Variants in POLRMT observed in about 807,000 individuals in gnomAD.
POLRMT encodes DNA-directed RNA polymerase, mitochondrial.
A neutral mutation model predicts 132.2 loss-of-function variants in POLRMT; 114 were observed. The ratio of observed to expected loss-of-function variants is 0.86; its 90% confidence interval spans 0.74 to 1.01. The LOEUF (loss-of-function observed/expected upper bound fraction) is 1.01. Among genes scored for constraint, POLRMT ranks in the 50% least tolerant of loss-of-function variants. The pLI is 0.00. For synonymous variants in POLRMT, 1,020 were observed against 773.4 expected, an observed-to-expected ratio of 1.32 and a Z score of -5.29; for missense variants, 2,003 against 1,729.1, an observed-to-expected ratio of 1.16 and a Z score of -2.81.
chr19:621,954 G>A (rs1984646405), intron 9 of POLRMT, 108 bp from the exon 10 acceptor site: 4 of 1,365,768 alleles, frequency 2.9e-6, no homozygotes, highest in Non-Finnish European at 3.0e-6. Context: ...CAAGAAACCA[G>A]TGTGGCCTCC....
intron 9 of POLRMT, 141 bp from the exon 10 acceptor site, chr19:621,987 A>G: frequency 8.3e-7 from 1 of 1,211,486 alleles, no homozygotes; most frequent in Non-Finnish European, 1.1e-6. Context: ...CCACCTCCAG[A>G]AACGGCCGGA....
chr19:621,787 G>A lies in POLRMT; in HGVS notation c.1911C>T (p.Pro637=). 6.2e-7 allele frequency: 1 copy of A among 1,602,244 alleles called. No homozygotes were observed. Among genetic ancestry groups the A allele is most frequent in the South Asian group, 1.1e-5 (1 of 91,070 alleles). The change falls in exon 10 of 21, where the codon CCC becomes CCT. Residue 637 remains proline (P), a synonymous_variant. Coordinates refer to ENST00000588649, the MANE Select transcript of POLRMT (RefSeq NM_005035.4). The part of the protein sequence containing the change: ...YVQLLEKAAE[P]TLTFEAVDVP... The stretch of plus-strand genomic sequence containing the variant: ...CATCCACCGCCTCGAAGGTCAGCGT[G>A]GGCTCCGCGGCCTTCTCCAGCAGCT...
Position 632,887 on chromosome 19 carries a change from T to G in POLRMT, c.140A>C (p.Gln47Pro), listed in dbSNP as rs746423245. 2 of 1,547,840 alleles carry G rather than the reference T, an allele frequency of 1.3e-6. No individual in the cohort carries two copies. Among genetic ancestry groups the G allele is most frequent in the Non-Finnish European group, 1.7e-6 (2 of 1,150,906 alleles). Residue 47 changes from glutamine (Q) to proline (P), a missense_variant, in exon 2 of 21, where the codon CAG becomes CCG. Gln to Pro is a moderately conservative substitution (Grantham distance 76, BLOSUM62 -1). Coordinates refer to ENST00000588649, the MANE Select transcript of POLRMT (RefSeq NM_005035.4). ...CTTCCTGCGGTCTTGGTCTTGCTCCTGGGGGCTGGCGGACGAGCTCCTCCT... is the reference window on the plus strand; with the variant it reads ...CTTCCTGCGGTCTTGGTCTTGCTCCGGGGGGCTGGCGGACGAGCTCCTCCT... ...GPRRSSSASP[Q>P]EQDQDRRKDW...
At chr19:618,671 C>G (rs370550113) in intron 16 of POLRMT, 34 bp downstream of exon 16, 1 of 1,604,444 alleles carries the variant, frequency 6.2e-7, no homozygotes, top group South Asian at 1.1e-5. Context: ...TCTCCAGACC[C>G]CCGGCCAGGC....
intron 5 of POLRMT, 87 bp from the exon 6 acceptor site, chr19:623,690 T>G (rs777010409): frequency 1.9e-5 from 28 of 1,475,806 alleles, no homozygotes; most frequent in Non-Finnish European, 2.5e-5. Flanking sequence ...GTGCACGCGT[T>G]TCTGCGTCTC....
At chr19:627,597 CCAA>C (rs1191618345) in intron 3 of POLRMT, among the ~76,000 whole-genome samples, 4 of 152,028 alleles carry the variant, frequency 2.6e-5, no homozygotes, top group African/African-American at 4.8e-5. Flanking sequence ...CGGAAAATTC[CCAA>C]CATCATAGAA....
intron 17 of POLRMT, 91 bp from the exon 18 acceptor site, chr19:617,940 T>A: frequency 7.9e-7 from 1 of 1,266,386 alleles, no homozygotes. Flanking sequence ...CCCCCTCCAC[T>A]TGAGGTCCAG....
chr19:618,448 T>C (rs1412074848), intron 17 of POLRMT, 40 bp downstream of exon 17: 2 of 1,487,280 alleles, frequency 1.3e-6, no homozygotes, highest in Non-Finnish European at 1.8e-6. Context: ...AAGACGCCCC[T>C]GGGAGGCGAG....
At chr19:630,271 T>C in intron 2 of POLRMT, 103 bp from the exon 3 acceptor site, 1 of 1,369,560 alleles carries the variant, frequency 7.3e-7, no homozygotes, top group Non-Finnish European at 9.8e-7. Context: ...GTGGCTGAGC[T>C]CGCTGGGACC....
chr19:618,407 C>T (rs2144569747), intron 17 of POLRMT, 81 bp downstream of exon 17: 2 of 1,145,896 alleles, frequency 1.7e-6, no homozygotes, highest in Non-Finnish European at 1.2e-6. Context: ...CCAGCTAGAC[C>T]CAGCCTTGCC....
intron 9 of POLRMT, 94 bp downstream of exon 9, chr19:622,055 T>C (rs953015250): frequency 1.6e-6 from 2 of 1,264,596 alleles, no homozygotes; most frequent in African/African-American, 1.5e-5. Context: ...ACGGCTGCGC[T>C]GAGATCAAGG....
In POLRMT at chr19:625,592, C is replaced by T. The variant is rs188631612; in HGVS notation, c.823-338G>A. ...CTGCTGTTTCTGCCTTCCATTTCAT[C>T]GATTTGTTTTAATCTTTGTAACTTC... On this transcript the variant is annotated intron_variant, in intron 3 of 20. Transcript: ENST00000588649. 13 of 231,532 alleles carry T rather than the reference C, an allele frequency of 5.6e-5. No homozygotes were observed. The South Asian group carries it at 7.6e-4, about 14-fold the overall frequency. 14.3% of individuals were successfully genotyped at this position (231,532 alleles called of 1,614,324 possible). A position where few individuals can be genotyped will look rare whatever the true frequency, so the allele number is the denominator to read the frequency against.
intron 9 of POLRMT, 29 bp from the exon 10 acceptor site, chr19:621,875 G>T: frequency 1.3e-6 from 2 of 1,598,472 alleles, no homozygotes; most frequent in Non-Finnish European, 1.7e-6. Flanking sequence ...ACGGGTCAGG[G>T]CCCCGGTGCT....
intron 17 of POLRMT, 109 bp downstream of exon 17, chr19:618,379 T>C (rs975276583): frequency 6.0e-6 from 5 of 836,592 alleles, no homozygotes; most frequent in Non-Finnish European, 9.3e-6. Flanking sequence ...GCAGATCCAC[T>C]CTGCCCAGTC....
rs554752905 is a variant in POLRMT, at chr19:629,784, C to T, written c.578G>A (p.Arg193Gln). Reference sequence around the variant, plus strand: ...CTTCCCAGGGGCCTCCTGCAGCAGCCGGGCCAGCTGCTCCTCCCAGGGGCT... The same window carrying T: ...CTTCCCAGGGGCCTCCTGCAGCAGCTGGGCCAGCTGCTCCTCCCAGGGGCT... ...PESPWEEQLA[R>Q]LLQEAPGKLS... Residue 193 changes from arginine to glutamine, a missense_variant, in exon 3 of 21, where the codon CGG (arginine) becomes CAG (glutamine). Physicochemically the swap from Arg to Gln is conservative, Grantham distance 43. Coordinates refer to ENST00000588649, the MANE Select transcript of POLRMT (RefSeq NM_005035.4). The T allele has an allele frequency of 1.0e-4, 162 of 1,569,512 alleles. 1 individual carries two copies. In the East Asian group the frequency reaches 1.8e-3, roughly 17 times the overall value.
At position 621,181 on chromosome 19, in the gene POLRMT, A is replaced by G. The variant is rs779631653; in HGVS notation, c.2517T>C (p.Asp839=). 1.9e-6 allele frequency: 3 copies of G among 1,610,634 alleles called. No individual in the cohort carries two copies. In the South Asian group the frequency reaches 3.3e-5, roughly 18 times the overall value. Reference sequence around the variant, plus strand: ...GATTGACCAGGTGGATCTTGAGCCAATCCAGGCCGTGCGGGCCGAGCGGGC... The same window carrying G: ...GATTGACCAGGTGGATCTTGAGCCAGTCCAGGCCGTGCGGGCCGAGCGGGC... The part of the protein sequence containing the change: ...QGRPLGPHGL[D]WLKIHLVNLT... The change falls in exon 10 of 21, where the codon GAT becomes GAC. Residue 839 remains aspartate, a synonymous_variant. Transcript: ENST00000588649.
intron 10 of POLRMT, among the ~76,000 whole-genome samples, 193 bp from the exon 11 acceptor site, chr19:620,680 G>A (rs890960586): frequency 6.7e-6 from 1 of 149,344 alleles, no homozygotes; most frequent in Non-Finnish European, 1.5e-5. Context: ...GATGGGAGCT[G>A]CGGGTGGACC....
chr19:620,042 C>T lies in POLRMT; in HGVS notation c.2802G>A (p.Leu934=). 6 of 1,556,130 alleles carry T rather than the reference C, an allele frequency of 3.9e-6. No homozygotes were observed. Among genetic ancestry groups the T allele is most frequent in the Non-Finnish European group, 5.2e-6 (6 of 1,155,520 alleles). ...AGGCGGCGCCCACGCTGTCGCGGCC[C>T]AGAGCAGCATAATGCTGCAGGCCGT... is the stretch of plus-strand genomic sequence containing the variant. ...SCNGLQHYAA[L]GRDSVGAASV... The change falls in exon 12 of 21, where the codon CTG becomes CTA. Residue 934 remains leucine, a synonymous_variant. Transcript: ENST00000588649.
Position 623,579 on chromosome 19 carries a change from G to A in POLRMT, c.1165C>T (p.Leu389=), listed in dbSNP as rs774078725. 1.9e-6 allele frequency: 3 copies of A among 1,613,712 alleles called. No homozygotes were observed. Among genetic ancestry groups the A allele is most frequent in the Non-Finnish European group, 2.5e-6 (3 of 1,179,986 alleles). ...AKDGRVSYPK[L]HLPLKTLQCL... Reference sequence around the variant, plus strand: ...TGCAGGGTCTTCAAGGGCAGGTGCAGCTTCGGGTAGGACACACGCCCATCC... The same window carrying A: ...TGCAGGGTCTTCAAGGGCAGGTGCAACTTCGGGTAGGACACACGCCCATCC... Residue 389 remains leucine, a synonymous_variant, in exon 6 of 21, where the codon CTG becomes TTG. Transcript: ENST00000588649.
Sources: allele counts gnomAD v4.1 joint callset (sites outside exome capture counted in the v4.1 genomes callset), GRCh38; gene constraint gnomAD v4.1.1; transcripts MANE v1.5; gene names NCBI Gene and HGNC (gene_info 2026-07-23, HGNC 2026-07-21).